ABCC11: variants seen among roughly 807,000 people sequenced by gnomAD.
ABCC11 encodes ATP-binding cassette sub-family C member 11.
Under a neutral mutation model 149.3 loss-of-function variants are expected in ABCC11, and 135 were observed. The observed-to-expected ratio is 0.90, with a 90% CI of 0.79 to 1.04. The LOEUF (loss-of-function observed/expected upper bound fraction) is 1.04, where lower values mean the gene tolerates loss of function less well. Among genes scored for constraint, ABCC11 ranks in the 50% least tolerant of loss-of-function variants. The pLI is 0.00. For synonymous variants in ABCC11, 665 were observed against 671.4 expected (o/e 0.99, Z 0.15); for missense variants, 1,680 against 1,722.1 (o/e 0.98, Z 0.43).
At chr16:48,181,116 G>C (rs150720230) in intron 23 of ABCC11, among the ~76,000 whole-genome samples, 1 of 152,230 alleles carries the variant, frequency 6.6e-6, no homozygotes, top group Admixed American at 6.5e-5. Flanking sequence ...CGCCCTGAGC[G>C]TTGCCCTCCT....
intron 26 of ABCC11, among the ~76,000 whole-genome samples, chr16:48,174,047 G>A (rs74018302): frequency 0.014 from 2,193 of 152,258 alleles, 52 homozygotes; most frequent in African/African-American, 0.05. Flanking sequence ...CTGATCAAAT[G>A]TCCCCTCCTC....
At chr16:48,235,790 T>C (rs577346464) in intron 1 of ABCC11, among the ~76,000 whole-genome samples, 3 of 152,336 alleles carry the variant, frequency 2.0e-5, no homozygotes, top group Admixed American at 2.0e-4. Flanking sequence ...CAGCAGATGC[T>C]TCCAGCCCTG....
intron 11 of ABCC11, 113 bp from the exon 12 acceptor site, chr16:48,208,609 A>C: frequency 4.4e-6 from 5 of 1,135,846 alleles, no homozygotes; most frequent in African/African-American, 1.5e-5. Flanking sequence ...AAACAAAATA[A>C]CCACACAGAG....
intron 1 of ABCC11, among the ~76,000 whole-genome samples, chr16:48,243,433 C>A (rs1349988591): frequency 6.7e-6 from 1 of 149,424 alleles, no homozygotes; most frequent in Non-Finnish European, 1.5e-5. Context: ...AAATTGAGGA[C>A]TTGCCACAGA....
At chr16:48,240,896 G>T (rs1970934712) in intron 1 of ABCC11, among the ~76,000 whole-genome samples, 1 of 151,834 alleles carries the variant, frequency 6.6e-6, no homozygotes, top group African/African-American at 2.4e-5. Context: ...TCATTAATAA[G>T]ACATTTCACC....
At chr16:48,202,935 G>A (rs920333345) in intron 14 of ABCC11, among the ~76,000 whole-genome samples, 1 of 152,216 alleles carries the variant, frequency 6.6e-6, no homozygotes, top group Non-Finnish European at 1.5e-5. Context: ...CAAGGGCGAT[G>A]CAGCGTTTCT....
rs1965316334 is a variant in ABCC11 at position 48,165,877 on chromosome 16, T to G, written c.*1397A>C. ...AAACATATTTCCCCCAACAACAAGG[T>G]CTCCCCAGAAGTAAGTTGAAAATGA... is the stretch of plus-strand genomic sequence containing the variant. On this transcript the variant is annotated 3_prime_UTR_variant, in exon 30 of 30. Coordinates refer to ENST00000356608, the MANE Select transcript of ABCC11 (RefSeq NM_001370497.1). The G allele has an allele frequency of 2.6e-5, 4 of 152,138 alleles. No homozygotes were observed. Among genetic ancestry groups the G allele is most frequent in the Admixed American group, 2.6e-4 (4 of 15,278 alleles). 9.4% of individuals were successfully genotyped at this position (152,138 alleles called of 1,614,324 possible).
At chr16:48,231,784 T>A (rs765215849) in intron 2 of ABCC11, 39 bp downstream of exon 2, 1 of 1,599,788 alleles carries the variant, frequency 6.3e-7, no homozygotes, top group Non-Finnish European at 8.5e-7. Flanking sequence ...TTCTGCCAAC[T>A]CAGTTTCCTG....
chr16:48,187,239 C>T lies in ABCC11; in HGVS notation c.2895G>A (p.Met965Ile). ...AGCAAATAACCATGATTATGGCTCCCATTAACAGGATATATGGAGACAGCA... is the reference window on the plus strand; with the variant it reads ...AGCAAATAACCATGATTATGGCTCCTATTAACAGGATATATGGAGACAGCA... ...VSVLSPYILL[M>I]GAIIMVICFI... Residue 965 changes from methionine (M) to isoleucine (I), a missense_variant, in exon 21 of 30, where the codon ATG becomes ATA. Physicochemically the swap from Met to Ile is conservative, Grantham distance 10. Coordinates refer to ENST00000356608, the MANE Select transcript of ABCC11 (RefSeq NM_001370497.1). 2 of 1,614,110 alleles carry T rather than the reference C, an allele frequency of 1.2e-6. No homozygotes were observed. Among genetic ancestry groups the T allele is most frequent in the Non-Finnish European group, 1.7e-6 (2 of 1,180,032 alleles).
intron 4 of ABCC11, among the ~76,000 whole-genome samples, chr16:48,226,546 G>A (rs9745646): frequency 0.14 from 20,627 of 151,982 alleles, 1,760 homozygotes; most frequent in African/African-American, 0.24. Flanking sequence ...CAAAGTGCTG[G>A]GATTACAGGC....
At chr16:48,238,412 A>G (rs1970787184) in intron 1 of ABCC11, among the ~76,000 whole-genome samples, 2 of 152,146 alleles carry the variant, frequency 1.3e-5, no homozygotes, top group Admixed American at 6.5e-5. Flanking sequence ...CCCTTCTGCA[A>G]TTAGCTCAGG....
chr16:48,205,222 C>T (rs1968326289), intron 13 of ABCC11, among the ~76,000 whole-genome samples, 191 bp downstream of exon 13: 1 of 152,224 alleles, frequency 6.6e-6, no homozygotes, highest in South Asian at 2.1e-4. Context: ...TATTTAACCT[C>T]TTGGGGCCTC....
At chr16:48,176,864 G>T in intron 25 of ABCC11, 60 bp downstream of exon 25, 3 of 1,550,992 alleles carry the variant, frequency 1.9e-6, no homozygotes, top group East Asian at 2.3e-5. Context: ...CCCTAAATAG[G>T]TCTAGTGCCC....
At chr16:48,244,447 A>C (rs1971218711) in intron 1 of ABCC11, 3 of 1,595,534 alleles carry the variant, frequency 1.9e-6, no homozygotes, top group Non-Finnish European at 8.5e-7. Context: ...CTCACCCACG[A>C]GGGCGTCCTG....
rs558747170 is a variant in ABCC11 at position 48,227,869 on chromosome 16, C to T, written c.332G>A (p.Arg111His). The T allele has an allele frequency of 7.4e-6, 12 of 1,614,094 alleles. No homozygotes were observed. In the East Asian group the frequency reaches 1.3e-4, roughly 18 times the overall value. The change falls in exon 4 of 30, where the codon CGC becomes CAC. Residue 111 changes from arginine to histidine, a missense_variant. Physicochemically the swap from Arg to His is conservative, Grantham distance 29. Coordinates refer to ENST00000356608, the MANE Select transcript of ABCC11 (RefSeq NM_001370497.1). ...TGGAGGGATGGTGTTCTCATCTAAGCGACTCCGTAAGCTTTGGATCATGAG... is the reference window on the plus strand; with the variant it reads ...TGGAGGGATGGTGTTCTCATCTAAGTGACTCCGTAAGCTTTGGATCATGAG... ...TPLMIQSLRS[R>H]LDENTIPPLS...
At chr16:48,171,794 C>G (rs1470308162) in intron 26 of ABCC11, among the ~76,000 whole-genome samples, 1 of 152,024 alleles carries the variant, frequency 6.6e-6, no homozygotes, top group Admixed American at 6.6e-5. Context: ...TAAAACCCCA[C>G]TCCACTAAAA....
rs1967833369 is a variant in ABCC11, at chr16:48,200,268, G to GTGC, written c.2082+5_2082+7dup. ...CAATCACAGTCAGAGCCCTGGAAGG[G>GTGC]TGCTAACCTGCAGCTGGTGGGTCAC... On this transcript the variant is annotated splice_region_variant and intron_variant, in intron 15 of 29. Coordinates refer to ENST00000356608, the MANE Select transcript of ABCC11 (RefSeq NM_001370497.1). The GTGC allele has an allele frequency of 6.2e-7, 1 of 1,613,396 alleles. No homozygotes were observed.
intron 19 of ABCC11, among the ~76,000 whole-genome samples, chr16:48,193,351 G>A (rs149673478): frequency 2.4e-4 from 37 of 152,276 alleles, no homozygotes; most frequent in Admixed American, 1.2e-3. Flanking sequence ...GCATGGCTTC[G>A]ATTCTAAGCA....
chr16:48,196,365 C>G, intron 17 of ABCC11, 44 bp from the exon 18 acceptor site: 1 of 1,570,344 alleles, frequency 6.4e-7, no homozygotes, highest in Non-Finnish European at 8.7e-7. Flanking sequence ...GCCTGCCAAT[C>G]ACATGATCTG....
Sources: allele counts gnomAD v4.1 joint callset (sites outside exome capture counted in the v4.1 genomes callset), GRCh38; gene constraint gnomAD v4.1.1; transcripts MANE v1.5; gene names NCBI Gene and HGNC (gene_info 2026-07-23, HGNC 2026-07-21).